Variants in RNF150 observed in about 807,000 individuals in gnomAD.
RNF150 encodes the protein ring finger protein 150.
In RNF150, 24 loss-of-function variants were observed where a neutral mutation model predicts 39.3. The observed-to-expected ratio is 0.61, with a 90% CI of 0.44 to 0.86. The LOEUF (loss-of-function observed/expected upper bound fraction) is 0.86. Ranked by LOEUF, RNF150 falls within the 40% of genes least tolerant of loss-of-function variation. RNF150 has a pLI of 0.00. For missense variants in RNF150, 502 were observed against 587.8 expected, an observed-to-expected ratio of 0.85 and a Z score of 1.51; for synonymous variants, 255 against 227.3, an observed-to-expected ratio of 1.12 and a Z score of -1.10.
intron 1 of RNF150, among the ~76,000 whole-genome samples, chr4:141,201,511 G>A (rs1463692464): frequency 1.3e-5 from 2 of 150,214 alleles, no homozygotes; most frequent in East Asian, 3.9e-4. Flanking sequence ...CTTCCAGAAG[G>A]TCAGCCATTC....
intron 1 of RNF150, among the ~76,000 whole-genome samples, chr4:141,054,165 A>G (rs1415138125): frequency 6.6e-6 from 1 of 152,030 alleles, no homozygotes; most frequent in Non-Finnish European, 1.5e-5. Flanking sequence ...TGCATTTTCT[A>G]TTTTGTTCAC....
intron 1 of RNF150, among the ~76,000 whole-genome samples, chr4:141,061,083 C>A (rs1052610822): frequency 2.0e-5 from 3 of 151,728 alleles, no homozygotes; most frequent in African/African-American, 7.3e-5. Context: ...CACGTGTATA[C>A]CTATGTAACA....
chr4:141,128,343 CTGGGAGGTT>C (rs1193041305), intron 1 of RNF150, among the ~76,000 whole-genome samples: 1 of 152,140 alleles, frequency 6.6e-6, no homozygotes, highest in Non-Finnish European at 1.5e-5. Flanking sequence ...AACCCAAGAC[CTGGGAGGTT>C]AACTTGCACA....
At chr4:141,013,672 T>C (rs917524021) in intron 1 of RNF150, among the ~76,000 whole-genome samples, 1 of 152,248 alleles carries the variant, frequency 6.6e-6, no homozygotes, top group African/African-American at 2.4e-5. Context: ...AAAAGCATGC[T>C]GAATTATTTA....
At chr4:141,211,260 ATTTAT>A (rs1282054036) in intron 1 of RNF150, among the ~76,000 whole-genome samples, 3 of 152,204 alleles carry the variant, frequency 2.0e-5, no homozygotes. Flanking sequence ...AGCAAATCAC[ATTTAT>A]TTTATATGTT....
In RNF150 at chr4:140,925,978, G is replaced by T. The variant is rs377250994; in HGVS notation, c.986C>A (p.Pro329Gln). 1 of 1,606,762 alleles carries T rather than the reference G, an allele frequency of 6.2e-7. No homozygotes were observed. Among genetic ancestry groups the T allele is most frequent in the African/African-American group, 1.3e-5 (1 of 74,872 alleles). Residue 329 changes from proline to glutamine, a missense_variant and splice_region_variant, in exon 5 of 7, where the codon CCG becomes CAG. Transcript: ENST00000515673. ...KMNILKALGI[P>Q]PNADCMDDLP... is the part of the protein sequence containing the mutation. ...TGCTGTAGGCTGTGCTGTGCTTACC[G>T]GGATCCCTAGGGCTTTAAGAATGTT...
intron 1 of RNF150, among the ~76,000 whole-genome samples, chr4:141,007,474 C>T (rs1734916772): frequency 1.3e-5 from 2 of 152,112 alleles, no homozygotes; most frequent in South Asian, 4.1e-4. Flanking sequence ...AAAATTTCTG[C>T]CAGGTCTATA....
At chr4:141,036,890 G>A (rs1052189894) in intron 1 of RNF150, among the ~76,000 whole-genome samples, 5 of 152,042 alleles carry the variant, frequency 3.3e-5, no homozygotes, top group Admixed American at 6.6e-5. Context: ...ATTTACTTAC[G>A]TTATGCCAAA....
chr4:141,112,813 G>A (rs1038007309), intron 1 of RNF150, among the ~76,000 whole-genome samples: 1 of 152,150 alleles, frequency 6.6e-6, no homozygotes, highest in East Asian at 1.9e-4. Context: ...GTATCCGGAA[G>A]TGTATTTTCC....
intron 1 of RNF150, among the ~76,000 whole-genome samples, chr4:141,023,943 T>C (rs1489366000): frequency 6.6e-6 from 1 of 152,228 alleles, no homozygotes; most frequent in Non-Finnish European, 1.5e-5. Flanking sequence ...AATACTCTTC[T>C]AATGAAACCC....
At chr4:141,055,521 T>C (rs1425621190) in intron 1 of RNF150, among the ~76,000 whole-genome samples, 1 of 152,132 alleles carries the variant, frequency 6.6e-6, no homozygotes, top group Non-Finnish European at 1.5e-5. Flanking sequence ...GAATTGCTCA[T>C]AACAGACACT....
At position 141,132,782 on chromosome 4, in the gene RNF150, G is replaced by C; in HGVS notation, c.27C>G (p.Cys9Trp). Residue 9 changes from cysteine to tryptophan, a missense_variant, in exon 1 of 7, where the codon TGC (cysteine) becomes TGG (tryptophan). Transcript: ENST00000515673. This position sits in a 1 kb window ranked among gnomAD's most constrained non-coding sequence, Gnocchi z 4.9. Reference sequence around the variant, plus strand: ...GCCATGTTGAGAGAGCCAGACTGCAGCACGCTTGGATGAGAGACATTGCCA... The same window carrying C: ...GCCATGTTGAGAGAGCCAGACTGCACCACGCTTGGATGAGAGACATTGCCA... The part of the protein sequence containing the change: MAMSLIQA[C>W]CSLALSTWLL... 6.2e-7 allele frequency: 1 copy of C among 1,609,892 alleles called. No homozygotes were observed. The highest frequency in any genetic ancestry group is 8.5e-7 in the Non-Finnish European group (1 of 1,178,264).
At chr4:140,985,083 A>G (rs1733977756) in intron 1 of RNF150, among the ~76,000 whole-genome samples, 1 of 152,032 alleles carries the variant, frequency 6.6e-6, no homozygotes, top group African/African-American at 2.4e-5. Flanking sequence ...TTCTTTCTCC[A>G]TAGTTCTCTG....
intron 1 of RNF150, among the ~76,000 whole-genome samples, chr4:141,152,385 G>A (rs1727317611): frequency 1.3e-5 from 2 of 152,108 alleles, no homozygotes; most frequent in South Asian, 2.1e-4. Context: ...TGTTAGGAGG[G>A]AATATTCCAT....
At chr4:141,074,524 A>G (rs1737822942) in intron 1 of RNF150, among the ~76,000 whole-genome samples, 1 of 152,166 alleles carries the variant, frequency 6.6e-6, no homozygotes, top group Non-Finnish European at 1.5e-5. Context: ...CCTAGGGATT[A>G]GCATCAGTAG....
chr4:141,202,627 C>A (rs6832695), intron 1 of RNF150, among the ~76,000 whole-genome samples: 93,419 of 151,760 alleles, frequency 0.62, 31,294 homozygotes, highest in African/African-American at 0.88. Flanking sequence ...GCCTTTTGGA[C>A]TTTTGTATAT....
chr4:141,172,417 G>A (rs1355976611), intron 1 of RNF150, among the ~76,000 whole-genome samples: 13 of 152,206 alleles, frequency 8.5e-5, no homozygotes, highest in Non-Finnish European at 1.8e-4. Context: ...GCAAGAGCAT[G>A]AATGTGGATG....
intron 1 of RNF150, among the ~76,000 whole-genome samples, chr4:141,121,835 T>C (rs1357299822): frequency 6.6e-6 from 1 of 152,166 alleles, no homozygotes; most frequent in Non-Finnish European, 1.5e-5. Context: ...CCTTAAATAA[T>C]TAATAAAGAA....
chr4:140,952,159 C>T (rs1464647317), intron 2 of RNF150, among the ~76,000 whole-genome samples: 4 of 151,838 alleles, frequency 2.6e-5, no homozygotes, highest in African/African-American at 7.3e-5. Flanking sequence ...TACAGGTGCC[C>T]GCCACCACGC....
Sources: gnomAD v4.1 joint callset for allele counts (sites outside exome capture counted in the v4.1 genomes callset) on GRCh38, gnomAD v4.1.1 for gene constraint, Gnocchi (gnomAD v3.1) non-coding constraint, MANE v1.5 for transcripts, NCBI Gene and HGNC (gene_info 2026-07-23, HGNC 2026-07-21) for gene names.